The following TTN variants were observed in gnomAD, a reference collection of about 807,000 sequenced individuals.
TTN encodes titin.
TTN carries 1,525 observed loss-of-function variants against 3,223.0 expected under a neutral mutation model. The ratio of observed to expected loss-of-function variants is 0.47; its 90% CI spans 0.45 to 0.49. The LOEUF (loss-of-function observed/expected upper bound fraction) is 0.49, where lower values mean the gene tolerates loss of function less well. TTN is among the 20% of genes least tolerant of loss of function. TTN has a pLI of 0.00. For synonymous variants in TTN, 14,094 were observed against 15,161.0 expected (o/e 0.93, Z 5.17); for missense variants, 40,786 against 43,424.0 (o/e 0.94, Z 5.40).
At position 178,567,620 on chromosome 2, in the gene TTN, G is replaced by A. The variant is rs1706387340; in HGVS notation, c.78512C>T (p.Ala26171Val). 1 of 1,611,752 alleles carries A rather than the reference G, an allele frequency of 6.2e-7. No individual in the cohort carries two copies. Among genetic ancestry groups the A allele is most frequent in the African/African-American group, 1.3e-5 (1 of 74,832 alleles). ...FRVIAKNAAG[A>V]ISKPSDSTGP... The stretch of plus-strand genomic sequence containing the variant: ...AGTACTGTCAGAGGGTTTACTTATT[G>A]CACCAGCTGCATTCTTTGCAATGAC... Residue 26171 changes from alanine to valine, a missense_variant, in exon 326 of 363, where the codon GCA becomes GTA. By Grantham distance (64) the Ala-to-Val change is moderately conservative (BLOSUM62 0). Transcript: ENST00000589042.
chr2:178,763,445 A>G (rs987499988), intron 43 of TTN, among the ~76,000 whole-genome samples: 14 of 152,210 alleles, frequency 9.2e-5, no homozygotes, highest in Admixed American at 9.2e-4. Flanking sequence ...ACAATTACTT[A>G]TGGAGTATCT....
intron 111 of TTN, among the ~76,000 whole-genome samples, chr2:178,699,204 T>C (rs966442633): frequency 2.0e-5 from 3 of 151,766 alleles, no homozygotes; most frequent in Non-Finnish European, 4.4e-5. Flanking sequence ...CTAAGTGATA[T>C]CATAAATAGT....
intron 7 of TTN, 119 bp downstream of exon 7, chr2:178,794,803 A>T: frequency 7.3e-7 from 1 of 1,378,434 alleles, no homozygotes; most frequent in Non-Finnish European, 1.0e-6. Flanking sequence ...AGTTGCTGCT[A>T]TATTTTTATG....
Position 178,570,192 on chromosome 2 carries a change from T to A in TTN, c.75940A>T (p.Thr25314Ser). 6.2e-7 allele frequency: 1 copy of A among 1,613,508 alleles called. No homozygotes were observed. The highest frequency in any genetic ancestry group is 8.5e-7 in the Non-Finnish European group (1 of 1,179,620). ...ATCATTGAGTCCTTGGTCACTGTTGTGACTTCTGGAGCTTTTGGTGCATCT... is the reference window on the plus strand; with the variant it reads ...ATCATTGAGTCCTTGGTCACTGTTGAGACTTCTGGAGCTTTTGGTGCATCT... ...VPDAPKAPEVTTVTKDSMIVV... is the reference protein window; with the variant it reads ...VPDAPKAPEVSTVTKDSMIVV... The change falls in exon 326 of 363, where the codon ACA (threonine) becomes TCA (serine). Residue 25314 changes from threonine to serine, a missense_variant. By Grantham distance (58) the Thr-to-Ser change is moderately conservative. Transcript: ENST00000589042.
Position 178,731,592 on chromosome 2 carries a change from A to G in TTN, c.17183-9T>C, listed in dbSNP as rs141687561. 4,400 of 1,585,410 alleles carry G rather than the reference A, an allele frequency of 2.8e-3. 15 individuals are homozygous for G. The highest frequency in any genetic ancestry group is 3.5e-3 in the Non-Finnish European group (4,138 of 1,165,888). ...TATGAAGGATGGGGGTTCTAACAGAAGAATGAATTCTCAATCAATATTATC... is the reference window on the plus strand; with the variant it reads ...TATGAAGGATGGGGGTTCTAACAGAGGAATGAATTCTCAATCAATATTATC... On this transcript the variant is annotated splice_polypyrimidine_tract_variant and intron_variant, in intron 58 of 362. Transcript: ENST00000589042.
intron 204 of TTN, 57 bp from the exon 205 acceptor site, chr2:178,652,024 C>CA (rs1324757355): frequency 8.1e-6 from 13 of 1,608,746 alleles, no homozygotes; most frequent in African/African-American, 4.0e-5. Flanking sequence ...AGATAGTTTG[C>CA]AAAAAAATGT....
At position 178,717,337 on chromosome 2, in the gene TTN, T is replaced by C. The variant is rs773229351; in HGVS notation, c.25397A>G (p.Asp8466Gly). The C allele has an allele frequency of 2.5e-6, 4 of 1,613,390 alleles. No homozygotes were observed. Among genetic ancestry groups the C allele is most frequent in the African/African-American group, 2.7e-5 (2 of 74,906 alleles). ...PFFDLKPVSV[D>G]LALGESGTFK... ...AGTACCACTTTCTCCAAGAGCAAGA[T>C]CTACTGATACAGGCTTTAGATCAAA... is the stretch of plus-strand genomic sequence containing the variant. Residue 8466 changes from aspartate (D) to glycine (G), a missense_variant, in exon 88 of 363, where the codon GAT becomes GGT. Coordinates refer to ENST00000589042, the MANE Select transcript of TTN (RefSeq NM_001267550.2).
chr2:178,680,668 G>T (rs2069167252), intron 138 of TTN, among the ~76,000 whole-genome samples: 1 of 151,774 alleles, frequency 6.6e-6, no homozygotes, highest in African/African-American at 2.4e-5. Context: ...TATGAATCAG[G>T]GGGAAAATGA....
chr2:178,553,396 T>C lies in TTN; in HGVS notation c.89504A>G (p.Glu29835Gly), dbSNP rs1181449938. 2.5e-6 allele frequency: 4 copies of C among 1,587,546 alleles called. No homozygotes were observed. In the South Asian group the frequency reaches 4.6e-5, roughly 18 times the overall value. Residue 29835 changes from glutamate to glycine, a missense_variant and splice_region_variant, in exon 335 of 363, where the codon GAG becomes GGG. Coordinates refer to ENST00000589042, the MANE Select transcript of TTN (RefSeq NM_001267550.2). ...NEPVQAKDIL[E>G]APEIDLDVAL... ...CACATCCAGGTCAATCTCTGGTGCC[T>C]CTGTAGACATAAAATGGATACATAC... is the stretch of plus-strand genomic sequence containing the variant.
intron 13 of TTN, among the ~76,000 whole-genome samples, chr2:178,789,010 C>G (rs928412730): frequency 6.6e-6 from 1 of 152,018 alleles, no homozygotes; most frequent in South Asian, 2.1e-4. Flanking sequence ...GAGTAAGAGT[C>G]ATCATTTACT....
intron 217 of TTN, 101 bp from the exon 218 acceptor site, chr2:178,644,717 C>T: frequency 1.1e-6 from 1 of 908,698 alleles, no homozygotes; most frequent in Non-Finnish European, 1.6e-6. Flanking sequence ...TGCTTATAAC[C>T]AGAAAGCATT....
Position 178,572,526 on chromosome 2 carries a change from CAG to C in TTN, c.73604_73605del (p.Ser24535CysfsTer11). 2 of 1,613,424 alleles carry C rather than the reference CAG, an allele frequency of 1.2e-6. No homozygotes were observed. The highest frequency in any genetic ancestry group is 1.7e-6 in the Non-Finnish European group (2 of 1,179,608). ...AGAGGTGGGTCCCATGTGAGTGTGA[CAG>C]ATGTCTTAGTGACCTCTTTTACCTT... Reference protein sequence around the residue: ...DLKVKEVTKTSVTLTWDPPLL... With the variant: ...DLKVKEVTKTXVTLTWDPPLL... On this transcript the variant is annotated frameshift_variant, in exon 326 of 363. Coordinates refer to ENST00000589042, the MANE Select transcript of TTN (RefSeq NM_001267550.2). LOFTEE classifies it high-confidence loss of function.
At position 178,713,317 on chromosome 2, in the gene TTN, G is replaced by A. The variant is rs370757633; in HGVS notation, c.26817C>T (p.Ser8939=). ...TACACTCCATTACAACTGAGGAGCC[G>A]GATAGACCATTTGTCTCTTTCAATT... The part of the protein sequence containing the change: ...TRKLKETNGL[S]GSSVVMECKV... The change falls in exon 93 of 363, where the codon TCC becomes TCT. Residue 8939 remains serine (S), a synonymous_variant. Transcript: ENST00000589042. 28 of 1,579,702 alleles carry A rather than the reference G, an allele frequency of 1.8e-5. No individual in the cohort carries two copies. Among genetic ancestry groups the A allele is most frequent in the African/African-American group, 1.2e-4 (9 of 74,258 alleles).
intron 2 of TTN, among the ~76,000 whole-genome samples, chr2:178,803,063 G>A (rs560872598): frequency 6.6e-6 from 1 of 152,278 alleles, no homozygotes; most frequent in African/African-American, 2.4e-5. Context: ...TTAAAACTCT[G>A]TACATTGAGA....
At chr2:178,626,925 TA>T (rs1357475359) in intron 240 of TTN, among the ~76,000 whole-genome samples, 33 of 151,824 alleles carry the variant, frequency 2.2e-4, no homozygotes, top group African/African-American at 7.5e-4. Context: ...TATGTCTCAA[TA>T]AACAGCTTGT....
intron 15 of TTN, among the ~76,000 whole-genome samples, 154 bp from the exon 16 acceptor site, chr2:178,784,505 G>C (rs1040424514): frequency 6.6e-6 from 1 of 152,198 alleles, no homozygotes; most frequent in African/African-American, 2.4e-5. Context: ...GTCATTTAGA[G>C]ATAAGCCAAT....
rs761061943 is a variant in TTN, at chr2:178,692,076, C to T, written c.31702G>A (p.Val10568Met). The T allele has an allele frequency of 2.3e-5, 37 of 1,612,884 alleles. No homozygotes were observed. The highest frequency in any genetic ancestry group is 5.0e-5 in the Admixed American group (3 of 59,940). The change falls in exon 121 of 363, where the codon GTG becomes ATG. Residue 10568 changes from valine (V) to methionine (M), a missense_variant. Transcript: ENST00000589042. ...PKVPEVPKKP[V>M]PEEKKPVPVP... ...GGAACTGGCTTTTTCTCCTCTGGCA[C>T]GGGTTTCTTGGGAACCTCAGGAACT...
Position 178,636,629 on chromosome 2 carries a change from C to G in TTN, c.41098G>C (p.Val13700Leu). The change falls in exon 225 of 363, where the codon GTT becomes CTT. Residue 13700 changes from valine (V) to leucine (L), a missense_variant. Val to Leu is a conservative substitution (Grantham distance 32). Transcript: ENST00000589042. This position sits in a 1 kb window ranked among gnomAD's most constrained non-coding sequence, Gnocchi z 4.3. Reference sequence around the variant, plus strand: ...CATTCAAAGATTGCTGAAGAGCCAACGAACTCTGATTCTGTCAAGATGATG... The same window carrying G: ...CATTCAAAGATTGCTGAAGAGCCAAGGAACTCTGATTCTGTCAAGATGATG... ...KDIILTESEF[V>L]GSSAIFECLV... 3.1e-6 allele frequency: 5 copies of G among 1,613,386 alleles called. No homozygotes were observed. The highest frequency in any genetic ancestry group is 4.2e-6 in the Non-Finnish European group (5 of 1,179,566).
chr2:178,790,963 A>T (rs2093458927), intron 10 of TTN, 118 bp from the exon 11 acceptor site: 1 of 1,294,974 alleles, frequency 7.7e-7, no homozygotes, highest in Admixed American at 2.0e-5. Flanking sequence ...AAAATGTCAG[A>T]TTTCCATTTC....
Sources: allele counts gnomAD v4.1 joint callset (sites outside exome capture counted in the v4.1 genomes callset), GRCh38; gene constraint gnomAD v4.1.1; non-coding constraint Gnocchi (gnomAD v3.1); transcripts MANE v1.5; gene names NCBI Gene and HGNC (gene_info 2026-07-23, HGNC 2026-07-21).